Variants in ATE1 observed in about 807,000 individuals in gnomAD.
ATE1 encodes the protein arginyltransferase 1.
Under a neutral mutation model 70.5 loss-of-function variants are expected in ATE1, and 36 were observed. The observed-to-expected ratio is 0.51, with a 90% CI of 0.39 to 0.67. The LOEUF is 0.67. Among genes scored for constraint, ATE1 ranks in the 30% least tolerant of loss-of-function variants. The pLI, the probability that ATE1 is intolerant of heterozygous loss-of-function variation, is 0.00. For synonymous variants in ATE1, 232 were observed against 219.3 expected, an observed-to-expected ratio of 1.06 and a Z score of -0.51; for missense variants, 593 against 629.5, an observed-to-expected ratio of 0.94 and a Z score of 0.62.
intron 11 of ATE1, among the ~76,000 whole-genome samples, chr10:121,778,603 G>C (rs919708112): frequency 9.6e-6 from 1 of 104,372 alleles, no homozygotes; most frequent in South Asian, 3.1e-4. Context: ...TTGAGACATT[G>C]TCCTGCTCTG....
At chr10:121,873,486 G>T (rs551765376) in intron 7 of ATE1, among the ~76,000 whole-genome samples, 176 of 151,742 alleles carry the variant, frequency 1.2e-3, no homozygotes, top group African/African-American at 3.9e-3. Flanking sequence ...TCTCATTCCC[G>T]CCAAAGAAGC....
intron 11 of ATE1, among the ~76,000 whole-genome samples, chr10:121,785,395 A>G (rs1285591071): frequency 6.6e-6 from 1 of 152,170 alleles, no homozygotes; most frequent in Non-Finnish European, 1.5e-5. Context: ...AGGGTCCATC[A>G]ACACAGCACT....
chr10:121,769,398 ATGGATGGAT>A (rs1945408760), intron 11 of ATE1, among the ~76,000 whole-genome samples: 3 of 152,190 alleles, frequency 2.0e-5, no homozygotes, highest in Non-Finnish European at 4.4e-5. Context: ...TTAAACCCAA[ATGGATGGAT>A]CATAGATTTA....
At chr10:121,797,825 A>T (rs1946719829) in intron 10 of ATE1, among the ~76,000 whole-genome samples, 1 of 152,160 alleles carries the variant, frequency 6.6e-6, no homozygotes, top group Non-Finnish European at 1.5e-5. Context: ...TCAACGTCAC[A>T]TTCTCAATGA....
intron 11 of ATE1, among the ~76,000 whole-genome samples, chr10:121,758,592 T>A (rs534237016): frequency 6.6e-6 from 1 of 152,186 alleles, no homozygotes; most frequent in African/African-American, 2.4e-5. Context: ...AATATAACCA[T>A]ACGTTATTTT....
intron 7 of ATE1, among the ~76,000 whole-genome samples, chr10:121,879,898 T>C (rs554120017): frequency 2.0e-5 from 3 of 152,284 alleles, no homozygotes; most frequent in South Asian, 2.1e-4. Flanking sequence ...AAGGAATACA[T>C]ACCAAGAAAT....
intron 11 of ATE1, 148 bp downstream of exon 11, chr10:121,790,021 C>A: frequency 2.4e-6 from 2 of 829,640 alleles, no homozygotes; most frequent in South Asian, 4.2e-5. Flanking sequence ...CAAAGTCTTC[C>A]TCTATCTTAC....
At chr10:121,771,731 T>C (rs181848733) in intron 11 of ATE1, among the ~76,000 whole-genome samples, 15 of 152,352 alleles carry the variant, frequency 9.8e-5, no homozygotes, top group Non-Finnish European at 1.5e-4. Flanking sequence ...GCAAAGACTT[T>C]ACATTTCCAT....
intron 8 of ATE1, chr10:121,846,478 G>GC (rs1328887234): frequency 6.6e-6 from 1 of 152,132 alleles, no homozygotes; most frequent in African/African-American, 2.4e-5. Context: ...ATGAAAGGAG[G>GC]AAAATGGATT....
intron 11 of ATE1, among the ~76,000 whole-genome samples, chr10:121,767,486 A>G (rs887546258): frequency 7.2e-5 from 3 of 41,678 alleles, no homozygotes; most frequent in African/African-American, 3.0e-4. Flanking sequence ...TTCTATGTAG[A>G]AAATCTCAAC....
chr10:121,893,913 G>A (rs532241631), intron 7 of ATE1, among the ~76,000 whole-genome samples: 2 of 152,094 alleles, frequency 1.3e-5, no homozygotes, highest in Admixed American at 6.5e-5. Flanking sequence ...CGAGGCAGGC[G>A]GATCACCTGA....
intron 11 of ATE1, among the ~76,000 whole-genome samples, chr10:121,747,687 C>T (rs1944424658): frequency 6.6e-6 from 1 of 152,202 alleles, no homozygotes; most frequent in African/African-American, 2.4e-5. Context: ...GTTGTAAATA[C>T]TTGAAGTGGT....
intron 11 of ATE1, among the ~76,000 whole-genome samples, chr10:121,776,403 T>C (rs1241767718): frequency 2.0e-5 from 3 of 152,184 alleles, no homozygotes; most frequent in South Asian, 4.1e-4. Flanking sequence ...AAGAGGGTCA[T>C]CATGAAGATG....
At chr10:121,918,161 C>T (rs926910616) in intron 3 of ATE1, among the ~76,000 whole-genome samples, 2 of 151,996 alleles carry the variant, frequency 1.3e-5, no homozygotes, top group African/African-American at 4.8e-5. Context: ...GGTGAAACCC[C>T]GTCTCTACTA....
At chr10:121,890,095 A>C (rs1950530034) in intron 7 of ATE1, among the ~76,000 whole-genome samples, 1 of 152,190 alleles carries the variant, frequency 6.6e-6, no homozygotes, top group Non-Finnish European at 1.5e-5. Flanking sequence ...CATTCTTTCA[A>C]CTTTTCTGTT....
chr10:121,743,717 T>C lies in ATE1; in HGVS notation c.1520A>G (p.Gln507Arg), dbSNP rs1276319678. 1 of 1,613,708 alleles carries C rather than the reference T, an allele frequency of 6.2e-7. No homozygotes were observed. Among genetic ancestry groups the C allele is most frequent in the African/African-American group, 1.3e-5 (1 of 74,892 alleles). The change falls in exon 12 of 12, where the codon CAG becomes CGG. Residue 507 changes from glutamine (Q) to arginine (R), a missense_variant. Gln to Arg is a conservative substitution (Grantham distance 43). This residue lies in a region of ATE1 where 90 missense variants were observed against 93.7 expected (regional missense o/e 0.96). Coordinates refer to ENST00000224652, the MANE Select transcript of ATE1 (RefSeq NM_001001976.3). The part of the protein sequence containing the change: ...AVLQYASLVG[Q>R]KCSERMLLFR... Reference sequence around the variant, plus strand: ...CAGCAGCATCCGCTCGGAGCACTTCTGCCCCACCAGGCTGGCGTACTGCAG... The same window carrying C: ...CAGCAGCATCCGCTCGGAGCACTTCCGCCCCACCAGGCTGGCGTACTGCAG...
At chr10:121,918,409 T>C (rs2134541068) in intron 3 of ATE1, among the ~76,000 whole-genome samples, 1 of 152,034 alleles carries the variant, frequency 6.6e-6, no homozygotes, top group Middle Eastern at 3.4e-3. Context: ...CCACGTAAAA[T>C]GCAAAAATCA....
At chr10:121,846,636 A>G (rs1035542013) in intron 8 of ATE1, 6 of 152,148 alleles carry the variant, frequency 3.9e-5, no homozygotes, top group African/African-American at 1.2e-4. Flanking sequence ...CGACTAACTG[A>G]TAACAACCAG....
intron 7 of ATE1, among the ~76,000 whole-genome samples, chr10:121,894,217 G>C (rs960094080): frequency 6.7e-6 from 1 of 150,258 alleles, no homozygotes; most frequent in Admixed American, 6.6e-5. Flanking sequence ...AAAATGGAAG[G>C]CATAAATTCA....
Sources: allele counts gnomAD v4.1 joint callset (sites outside exome capture counted in the v4.1 genomes callset), GRCh38; gene constraint gnomAD v4.1.1; regional missense constraint gnomAD v4.1.1; transcripts MANE v1.5; gene names NCBI Gene and HGNC (gene_info 2026-07-23, HGNC 2026-07-21).